The following TRIM28 variants were observed in gnomAD, a reference collection of about 807,000 sequenced individuals.
TRIM28 encodes the protein transcription intermediary factor 1-beta.
TRIM28 carries 8 observed loss-of-function variants against 87.4 expected under a neutral mutation model. That is an observed-to-expected ratio of 0.09 (90% CI 0.05 to 0.17). The LOEUF (loss-of-function observed/expected upper bound fraction) is 0.17, where lower values mean the gene tolerates loss of function less well. TRIM28 is among the 10% of genes least tolerant of loss of function. The pLI is 1.00. For synonymous variants in TRIM28, 601 were observed against 454.3 expected, an observed-to-expected ratio of 1.32 and a Z score of -4.11; for missense variants, 968 against 1,131.8, an observed-to-expected ratio of 0.86 and a Z score of 2.08.
chr19:58,546,010 G>T, intron 3 of TRIM28, 114 bp downstream of exon 3: 1 of 1,303,950 alleles, frequency 7.7e-7, no homozygotes. Context: ...AGGGGGTGCC[G>T]CCCGAAGGGC....
In TRIM28 at chr19:58,547,456, A is replaced by G. The variant is rs2053771364; in HGVS notation, c.667A>G (p.Ser223Gly). Residue 223 changes from serine to glycine, a missense_variant, in exon 4 of 17, where the codon AGC (serine) becomes GGC (glycine). Physicochemically the swap from Ser to Gly is moderately conservative, Grantham distance 56. Around this residue, in one of 11 missense-constraint regions of TRIM28, gnomAD observed 103 missense variants for 139.0 expected, o/e 0.74. Coordinates refer to ENST00000253024, the MANE Select transcript of TRIM28 (RefSeq NM_005762.3). ...KHEPLVLFCESCDTLTCRDCQ... is the reference protein window; with the variant it reads ...KHEPLVLFCEGCDTLTCRDCQ... ...TGAACCCCTTGTGCTGTTTTGTGAG[A>G]GCTGTGATACTCTCACCTGCCGAGA... The G allele has an allele frequency of 1.9e-6, 3 of 1,613,912 alleles. No individual in the cohort carries two copies. The highest frequency in any genetic ancestry group is 2.5e-6 in the Non-Finnish European group (3 of 1,179,986).
In TRIM28 at chr19:58,550,051, G is replaced by A. The variant is rs1409641227; in HGVS notation, c.2193+16G>A. ...CTTCTCCCTGGTGAGTCCTAGGATG[G>A]GAAAGGGGAAGGGGGTGGTGGCTGC... On this transcript the variant is annotated intron_variant, in intron 15 of 16. Transcript: ENST00000253024. The A allele has an allele frequency of 6.2e-6, 10 of 1,613,928 alleles. No homozygotes were observed. Among genetic ancestry groups the A allele is most frequent in the Non-Finnish European group, 8.5e-6 (10 of 1,179,952 alleles).
In TRIM28 at chr19:58,550,242, G is replaced by C; in HGVS notation, c.2289G>C (p.Gln763His). ...ACAGCTCCCCACAGGAGTTTGCCCA[G>C]GATGTGGGCCGCATGTTCAAGCAAT... ...PPYSSPQEFA[Q>H]DVGRMFKQFN... Residue 763 changes from glutamine (Q) to histidine (H), a missense_variant, in exon 16 of 17, where the codon CAG becomes CAC. Gln to His is a conservative substitution (Grantham distance 24). Transcript: ENST00000253024. 1.2e-6 allele frequency: 2 copies of C among 1,614,134 alleles called. No individual in the cohort carries two copies. The highest frequency in any genetic ancestry group is 1.3e-5 in the African/African-American group (1 of 75,026).
At position 58,549,299 on chromosome 19, in the gene TRIM28, C is replaced by G. The variant is rs373744766; in HGVS notation, c.1663-32C>G. Reference sequence around the variant, plus strand: ...TGAAGCCTGTAGTCCAGGTCTGGACCCTGTTGAACACCCCTCATCACCACC... The same window carrying G: ...TGAAGCCTGTAGTCCAGGTCTGGACGCTGTTGAACACCCCTCATCACCACC... On this transcript the variant is annotated intron_variant, in intron 12 of 16. Coordinates refer to ENST00000253024, the MANE Select transcript of TRIM28 (RefSeq NM_005762.3). This position sits in a 1 kb window ranked among gnomAD's most constrained non-coding sequence, Gnocchi z 4.4. The G allele has an allele frequency of 2.0e-5, 31 of 1,579,384 alleles. No homozygotes were observed. The African/African-American group carries it at 3.9e-4, about 20-fold the overall frequency.
At position 58,544,660 on chromosome 19, in the gene TRIM28, G is replaced by GGCGGCA. The variant is rs996564564; in HGVS notation, c.-92_-87dup. The GGCGGCA allele has an allele frequency of 5.7e-5, 25 of 442,456 alleles. No homozygotes were observed. Among genetic ancestry groups the GGCGGCA allele is most frequent in the African/African-American group, 1.7e-4 (8 of 46,216 alleles). 27.4% of individuals were successfully genotyped at this position (442,456 alleles called of 1,614,324 possible). A position where few individuals can be genotyped will look rare whatever the true frequency, so the allele number is the denominator to read the frequency against. On this transcript the variant is annotated 5_prime_UTR_variant, in exon 1 of 17. Coordinates refer to ENST00000253024, the MANE Select transcript of TRIM28 (RefSeq NM_005762.3). ...CGGCGCTCGGCCTCGCGGCGGCGGC[G>GGCGGCA]GCGGCAGCGGCCCAGCAGTTGGCGG...
In TRIM28 at chr19:58,550,567, A is replaced by G. The variant is rs759644091; in HGVS notation, c.*14A>G. ...GATGGCCCCTGAGGCTGGAGCCCCC[A>G]TGGCCAGCCCAGCCTGGCTCTGTTC... On this transcript the variant is annotated 3_prime_UTR_variant, in exon 17 of 17. Transcript: ENST00000253024. 1.9e-6 allele frequency: 3 copies of G among 1,600,146 alleles called. No homozygotes were observed. The highest frequency in any genetic ancestry group is 1.3e-5 in the African/African-American group (1 of 74,652).
In TRIM28 at chr19:58,549,090, C is replaced by T. The variant is rs149536528; in HGVS notation, c.1512C>T (p.Pro504=). Residue 504 remains proline (P), a synonymous_variant, in exon 12 of 17, where the codon CCC becomes CCT. Coordinates refer to ENST00000253024, the MANE Select transcript of TRIM28 (RefSeq NM_005762.3). The surrounding 1 kb of genome is among the most constrained non-coding windows in gnomAD (Gnocchi z 4.4). ...ACCTCACAGCTGACAGCCAGCCACC[C>T]GTCTTCAAGGTCTTCCCAGGCAGTA... ...DLDLTADSQP[P]VFKVFPGSTT... The T allele has an allele frequency of 2.9e-5, 47 of 1,614,084 alleles. 1 individual carries two copies. The highest frequency in any genetic ancestry group is 3.3e-4 in the Middle Eastern group (2 of 6,062).
Position 58,544,749 on chromosome 19 carries a change from G to T in TRIM28, c.-9G>T. ...TCCTCCCCCCCTGGGCGCCCCCGGCGGCGTGTGAATGGCGGCCTCCGCGGC... is the reference window on the plus strand; with the variant it reads ...TCCTCCCCCCCTGGGCGCCCCCGGCTGCGTGTGAATGGCGGCCTCCGCGGC... On this transcript the variant is annotated 5_prime_UTR_variant, in exon 1 of 17. Coordinates refer to ENST00000253024, the MANE Select transcript of TRIM28 (RefSeq NM_005762.3). 9.1e-7 allele frequency: 1 copy of T among 1,095,026 alleles called. No homozygotes were observed. Among genetic ancestry groups the T allele is most frequent in the Non-Finnish European group, 1.1e-6 (1 of 902,574 alleles). 67.8% of individuals were successfully genotyped at this position (1,095,026 alleles called of 1,614,324 possible).
Position 58,544,671 on chromosome 19 carries a change from C to T in TRIM28, c.-87C>T. ...CTCGCGGCGGCGGCGGCGGCAGCGGCCCAGCAGTTGGCGGCGAGCGCGTCT... is the reference window on the plus strand; with the variant it reads ...CTCGCGGCGGCGGCGGCGGCAGCGGTCCAGCAGTTGGCGGCGAGCGCGTCT... On this transcript the variant is annotated 5_prime_UTR_variant, in exon 1 of 17. Transcript: ENST00000253024. 1.8e-6 allele frequency: 1 copy of T among 544,634 alleles called. No homozygotes were observed. The highest frequency in any genetic ancestry group is 2.3e-6 in the Non-Finnish European group (1 of 428,566). The allele number at this position is 544,634 out of a possible 1,614,324, so 33.7% of individuals were successfully genotyped here.
Position 58,550,633 on chromosome 19 carries a change from C to G in TRIM28, c.*80C>G. On this transcript the variant is annotated 3_prime_UTR_variant, in exon 17 of 17. Coordinates refer to ENST00000253024, the MANE Select transcript of TRIM28 (RefSeq NM_005762.3). The stretch of plus-strand genomic sequence containing the variant: ...CATCCCCACTCCCCTGGTGGCCTGA[C>G]TCCCACTCCCTGGTGGCCCCATCCC... The G allele has an allele frequency of 2.1e-6, 3 of 1,413,114 alleles. No homozygotes were observed. Among genetic ancestry groups the G allele is most frequent in the East Asian group, 2.4e-5 (1 of 41,754 alleles). 87.5% of individuals were successfully genotyped at this position (1,413,114 alleles called of 1,614,324 possible). A position where few individuals can be genotyped will look rare whatever the true frequency, so the allele number is the denominator to read the frequency against.
In TRIM28 at chr19:58,545,611, C is replaced by T. The variant is rs992537655; in HGVS notation, c.453+74C>T. 113 of 1,490,492 alleles carry T rather than the reference C, an allele frequency of 7.6e-5. 1 individual carries two copies. The highest frequency in any genetic ancestry group is 9.9e-5 in the Non-Finnish European group (107 of 1,080,732). The allele number at this position is 1,490,492 out of a possible 1,614,324, so 92.3% of individuals were successfully genotyped here. On this transcript the variant is annotated intron_variant, in intron 2 of 16. Coordinates refer to ENST00000253024, the MANE Select transcript of TRIM28 (RefSeq NM_005762.3). ...CTGCGCAGGAGGAGCTTGGCACCAG[C>T]TCCAGGCTGTTACTCCACTTTCCCA...
At position 58,545,450 on chromosome 19, in the gene TRIM28, A is replaced by G; in HGVS notation, c.366A>G (p.Gln122=). The change falls in exon 2 of 17, where the codon CAA becomes CAG. Residue 122 remains glutamine (Q), a synonymous_variant. Transcript: ENST00000253024. ...TGGTGGACTGTCCCGTGTGCAAGCAACAGTGCTTCTCCAAAGACATCGTGG... is the reference window on the plus strand; with the variant it reads ...TGGTGGACTGTCCCGTGTGCAAGCAGCAGTGCTTCTCCAAAGACATCGTGG... ...GTVVDCPVCK[Q]QCFSKDIVEN... 6.2e-7 allele frequency: 1 copy of G among 1,612,772 alleles called. No homozygotes were observed.
Position 58,545,827 on chromosome 19 carries a change from C to T in TRIM28, c.517C>T (p.Leu173=). 2 of 1,612,290 alleles carry T rather than the reference C, an allele frequency of 1.2e-6. No individual in the cohort carries two copies. The highest frequency in any genetic ancestry group is 1.3e-5 in the African/African-American group (1 of 75,046). The change falls in exon 3 of 17, where the codon CTG becomes TTG. Residue 173 remains leucine (L), a synonymous_variant. Transcript: ENST00000253024. ...TSYCVECSEP[L]CETCVEAHQR... ...CTACTGTGTGGAGTGCTCGGAGCCT[C>T]TGTGTGAGACCTGTGTAGAGGCGCA... is the stretch of plus-strand genomic sequence containing the variant.
chr19:58,547,667 G>A lies in TRIM28; in HGVS notation c.793G>A (p.Asp265Asn). ...LLASLVKRLG[D>N]KHATLQKSTK... is the part of the protein sequence containing the mutation. ...GGCCTCACTGGTGAAGCGCCTTGGG[G>A]ACAAACATGCAACATTGCAGAAGAG... Residue 265 changes from aspartate to asparagine, a missense_variant, in exon 5 of 17, where the codon GAC (aspartate) becomes AAC (asparagine). Coordinates refer to ENST00000253024, the MANE Select transcript of TRIM28 (RefSeq NM_005762.3). The A allele has an allele frequency of 1.2e-6, 2 of 1,614,130 alleles. No homozygotes were observed. Among genetic ancestry groups the A allele is most frequent in the South Asian group, 1.1e-5 (1 of 91,080 alleles).
Position 58,544,634 on chromosome 19 carries a change from GC to G in TRIM28, c.-123del. 1 of 267,192 alleles carries G rather than the reference GC, an allele frequency of 3.7e-6. No individual in the cohort carries two copies. The highest frequency in any genetic ancestry group is 5.7e-6 in the Non-Finnish European group (1 of 174,736). The allele number at this position is 267,192 out of a possible 1,614,324, so 16.6% of individuals were successfully genotyped here. On this transcript the variant is annotated 5_prime_UTR_variant, in exon 1 of 17. Transcript: ENST00000253024. ...CGGGCAGCGGCCCAGGAGGCGCGTG[GC>G]GGCGCTCGGCCTCGCGGCGGCGGCG... is the stretch of plus-strand genomic sequence containing the variant.
At chr19:58,546,399 C>T (rs1331460788) in intron 3 of TRIM28, among the ~76,000 whole-genome samples, 1 of 152,220 alleles carries the variant, frequency 6.6e-6, no homozygotes, top group Non-Finnish European at 1.5e-5. Context: ...TTTTCACAGA[C>T]ACAGCTAGCT....
rs1049611404 is a variant in TRIM28, at chr19:58,544,730, C to T, written c.-28C>T. 5.8e-5 allele frequency: 60 copies of T among 1,029,028 alleles called. No homozygotes were observed. Among genetic ancestry groups the T allele is most frequent in the Non-Finnish European group, 6.5e-5 (56 of 855,470 alleles). The allele number at this position is 1,029,028 out of a possible 1,614,324, so 63.7% of individuals were successfully genotyped here. A position where few individuals can be genotyped will look rare whatever the true frequency, so the allele number is the denominator to read the frequency against. ...GCGGCGGGCCCCGCGCCCCTCCTCC[C>T]CCCCTGGGCGCCCCCGGCGGCGTGT... On this transcript the variant is annotated 5_prime_UTR_variant, in exon 1 of 17. Transcript: ENST00000253024.
At position 58,547,528 on chromosome 19, in the gene TRIM28, A is replaced by T. The variant is rs2053771736; in HGVS notation, c.722+17A>T. On this transcript the variant is annotated intron_variant, in intron 4 of 16. Coordinates refer to ENST00000253024, the MANE Select transcript of TRIM28 (RefSeq NM_005762.3). Reference sequence around the variant, plus strand: ...GGACCACCAGTGAGTCCCAAGGCATAGTGGTTGGGTGGGTGGGTGCCACCC... The same window carrying T: ...GGACCACCAGTGAGTCCCAAGGCATTGTGGTTGGGTGGGTGGGTGCCACCC... The T allele has an allele frequency of 6.2e-7, 1 of 1,612,668 alleles. No individual in the cohort carries two copies. The highest frequency in any genetic ancestry group is 8.5e-7 in the Non-Finnish European group (1 of 1,178,954).
Position 58,549,566 on chromosome 19 carries a change from A to T in TRIM28, c.1898A>T (p.Lys633Met), listed in dbSNP as rs769437932. ...DSATICRVCQKPGDLVMCNQC... is the reference protein window; with the variant it reads ...DSATICRVCQMPGDLVMCNQC... ...GCCACCATTTGCCGTGTCTGCCAGA[A>T]GCCAGGCGATCTGGTTATGTGCAAC... Residue 633 changes from lysine to methionine, a missense_variant, in exon 13 of 17, where the codon AAG (lysine) becomes ATG (methionine). Transcript: ENST00000253024. The surrounding 1 kb of genome is among the most constrained non-coding windows in gnomAD (Gnocchi z 4.4). The T allele has an allele frequency of 6.2e-7, 1 of 1,613,968 alleles. No homozygotes were observed. Among genetic ancestry groups the T allele is most frequent in the Non-Finnish European group, 8.5e-7 (1 of 1,180,004 alleles).
Sources: allele counts gnomAD v4.1 joint callset (sites outside exome capture counted in the v4.1 genomes callset), GRCh38; gene constraint gnomAD v4.1.1; regional missense constraint gnomAD v4.1.1; non-coding constraint Gnocchi (gnomAD v3.1); transcripts MANE v1.5; gene names NCBI Gene and HGNC (gene_info 2026-07-23, HGNC 2026-07-21).